PLPP4: variants seen among roughly 807,000 people sequenced by gnomAD.
The protein encoded by PLPP4 is phospholipid phosphatase 4.
Under a neutral mutation model 32.2 loss-of-function variants are expected in PLPP4, and 20 were observed. The observed-to-expected ratio is 0.62, with a 90% CI of 0.44 to 0.90. The LOEUF (loss-of-function observed/expected upper bound fraction) is 0.90. Among genes scored for constraint, PLPP4 ranks in the 40% least tolerant of loss-of-function variants. PLPP4 has a pLI of 0.00. For missense variants in PLPP4, 257 were observed against 353.1 expected (o/e 0.73, Z 2.18); for synonymous variants, 127 against 133.0 (o/e 0.95, Z 0.31).
intron 5 of PLPP4, among the ~76,000 whole-genome samples, chr10:120,569,316 C>T (rs1848825950): frequency 6.6e-6 from 1 of 152,076 alleles, no homozygotes; most frequent in South Asian, 2.1e-4. Flanking sequence ...GGATCAGTGC[C>T]TCCAGCCAGT....
rs372259371 is a variant in PLPP4, at chr10:120,528,135, C to A, written c.445+7040C>A. Among the ~76,000 whole-genome samples, 35 of 126,146 alleles carry A rather than the reference C, an allele frequency of 2.8e-4. No individual in the cohort carries two copies. In the East Asian group the frequency reaches 7.7e-3, roughly 28 times the overall value. The allele number at this position is 126,146 out of a possible 152,430, so 82.8% of individuals were successfully genotyped here. A position where few individuals can be genotyped will look rare whatever the true frequency, so the allele number is the denominator to read the frequency against. On this transcript the variant is annotated intron_variant, in intron 5 of 6. Coordinates refer to ENST00000398250, the MANE Select transcript of PLPP4 (RefSeq NM_001030059.3). ...TGTCGCCCAGGCTGGAGTGCAGCGG[C>A]GCGATCTCGGCTCACTGCAAGCTCC...
At chr10:120,495,108 T>C (rs1267242678) in intron 1 of PLPP4, among the ~76,000 whole-genome samples, 2 of 152,198 alleles carry the variant, frequency 1.3e-5, no homozygotes, top group African/African-American at 4.8e-5. Context: ...AGGCAAGACA[T>C]CTGACATCTT....
At chr10:120,531,814 C>CAT (rs201385422) in intron 5 of PLPP4, among the ~76,000 whole-genome samples, 26 of 150,754 alleles carry the variant, frequency 1.7e-4, no homozygotes, top group Admixed American at 7.3e-4. Context: ...AACCACAGTA[C>CAT]ATATATATAT....
chr10:120,574,196 T>A (rs1053261064), intron 5 of PLPP4, among the ~76,000 whole-genome samples: 17 of 146,956 alleles, frequency 1.2e-4, no homozygotes, highest in South Asian at 4.6e-4. Flanking sequence ...TCTCTCTCTC[T>A]CTCTCTCTCT....
At chr10:120,496,905 ATGTG>A (rs1422640038) in intron 1 of PLPP4, among the ~76,000 whole-genome samples, 3 of 106,062 alleles carry the variant, frequency 2.8e-5, no homozygotes, top group African/African-American at 1.0e-4. Context: ...GAGAGAGAGA[ATGTG>A]TGAGTGTGTG....
intron 5 of PLPP4, among the ~76,000 whole-genome samples, chr10:120,574,162 ACACACACTCTCTCTCT>A (rs1164112749): frequency 5.2e-4 from 54 of 104,112 alleles, no homozygotes; most frequent in African/African-American, 1.5e-3. Flanking sequence ...ACACACACAC[ACACACACTCTCTCTCT>A]CTCTCTCTCT....
intron 5 of PLPP4, among the ~76,000 whole-genome samples, chr10:120,561,342 A>AT (rs1027280993): frequency 5.9e-5 from 9 of 152,052 alleles, no homozygotes; most frequent in African/African-American, 1.9e-4. Context: ...TAGCAGTCCA[A>AT]TTTTTTTTCC....
intron 6 of PLPP4, among the ~76,000 whole-genome samples, chr10:120,581,986 G>A (rs1446832312): frequency 6.6e-6 from 1 of 152,210 alleles, no homozygotes; most frequent in Non-Finnish European, 1.5e-5. Flanking sequence ...TTTGGCCGTA[G>A]TGCACAGAAG....
At chr10:120,546,793 C>T (rs1286183126) in intron 5 of PLPP4, among the ~76,000 whole-genome samples, 3 of 152,240 alleles carry the variant, frequency 2.0e-5, no homozygotes, top group African/African-American at 2.4e-5. Flanking sequence ...TCAAGATCCA[C>T]ATTTGCTTCT....
chr10:120,457,110 G>T (rs1243373464), upstream of PLPP4: 1 of 236,648 alleles, frequency 4.2e-6, no homozygotes, highest in Non-Finnish European at 7.9e-6. Flanking sequence ...GCTTCCCGGA[G>T]CCCCGGAGCC....
At chr10:120,536,909 C>G (rs185428208) in intron 5 of PLPP4, among the ~76,000 whole-genome samples, 2 of 152,038 alleles carry the variant, frequency 1.3e-5, no homozygotes, top group East Asian at 3.9e-4. Flanking sequence ...TAGACATTGT[C>G]CTAAAGAAAG....
At chr10:120,542,428 C>A (rs1163553602) in intron 5 of PLPP4, among the ~76,000 whole-genome samples, 1 of 152,142 alleles carries the variant, frequency 6.6e-6, no homozygotes, top group Non-Finnish European at 1.5e-5. Flanking sequence ...GTTAGAGACA[C>A]AAAGGAAGCC....
At chr10:120,541,466 C>G (rs575789202) in intron 5 of PLPP4, among the ~76,000 whole-genome samples, 1 of 152,312 alleles carries the variant, frequency 6.6e-6, no homozygotes, top group Admixed American at 6.5e-5. Flanking sequence ...TAATGCAACA[C>G]TAGAGGAAGC....
intron 5 of PLPP4, among the ~76,000 whole-genome samples, chr10:120,552,776 A>G (rs906553081): frequency 6.6e-6 from 1 of 152,200 alleles, no homozygotes; most frequent in Non-Finnish European, 1.5e-5. Flanking sequence ...ATTTCTTGCA[A>G]GCTATAGACT....
chr10:120,583,499 A>G (rs536689228), intron 6 of PLPP4, among the ~76,000 whole-genome samples: 19 of 152,242 alleles, frequency 1.2e-4, no homozygotes, highest in African/African-American at 4.6e-4. Flanking sequence ...GTACAGAAAC[A>G]TTTTTATATA....
intron 4 of PLPP4, among the ~76,000 whole-genome samples, chr10:120,520,725 C>G (rs7082362): frequency 0.95 from 144,939 of 152,148 alleles, 69,313 homozygotes; most frequent in Non-Finnish European, 1. Context: ...GGGAGACCAA[C>G]TGACCTTCCC....
intron 5 of PLPP4, among the ~76,000 whole-genome samples, chr10:120,532,878 C>A (rs1433853268): frequency 1.3e-5 from 2 of 152,028 alleles, no homozygotes; most frequent in Non-Finnish European, 2.9e-5. Flanking sequence ...GAATCTAAGT[C>A]ATTTGATGGA....
At position 120,468,839 on chromosome 10, in the gene PLPP4, G is replaced by A. The variant is rs1848403689; in HGVS notation, c.56+11478G>A. On this transcript the variant is annotated intron_variant, in intron 1 of 6. Coordinates refer to ENST00000398250, the MANE Select transcript of PLPP4 (RefSeq NM_001030059.3). ...TAAGTTTGTGTTTTCAAATGTGATC[G>A]GCTGCTCAGGTGGAATAGTAAATGG... 6.2e-5 allele frequency among the ~76,000 whole-genome samples: 4 copies of A among 64,872 alleles called. 2 individuals carry two copies. In the Admixed American group the frequency reaches 8.6e-4, roughly 14 times the overall value. 42.6% of individuals were successfully genotyped at this position (64,872 alleles called of 152,430 possible). A position where few individuals can be genotyped will look rare whatever the true frequency, so the allele number is the denominator to read the frequency against.
chr10:120,581,326 C>T (rs1439657447), intron 6 of PLPP4: 1 of 984,238 alleles, frequency 1.0e-6, no homozygotes, highest in Non-Finnish European at 1.2e-6. Flanking sequence ...TTTTCCTTCC[C>T]ACTCTGGTCT....
Sources: gnomAD v4.1 joint callset for allele counts (sites outside exome capture counted in the v4.1 genomes callset) on GRCh38, gnomAD v4.1.1 for gene constraint, MANE v1.5 for transcripts, NCBI Gene and HGNC (gene_info 2026-07-23, HGNC 2026-07-21) for gene names.